Variants in MOCS1 observed in about 807,000 individuals in gnomAD.
MOCS1 encodes molybdenum cofactor synthesis 1, also known as molybdenum cofactor biosynthesis protein 1.
Under a neutral mutation model 57.6 loss-of-function variants are expected in MOCS1, and 39 were observed. The observed-to-expected ratio is 0.68, with a 90% CI of 0.52 to 0.88. The LOEUF (loss-of-function observed/expected upper bound fraction) is 0.88. Among genes scored for constraint, MOCS1 ranks in the 40% least tolerant of loss-of-function variants. MOCS1 has a pLI of 0.00. For missense variants in MOCS1, 795 were observed against 831.1 expected (o/e 0.96, Z 0.53); for synonymous variants, 334 against 335.7 (o/e 1.00, Z 0.05).
chr6:39,930,228 G>A (rs1055447877), intron 1 of MOCS1, among the ~76,000 whole-genome samples: 10 of 151,956 alleles, frequency 6.6e-5, no homozygotes, highest in South Asian at 2.1e-4. Context: ...TCTCCTGGAG[G>A]AAAAAAATAT....
At chr6:39,923,755 C>T (rs1768108103) in intron 3 of MOCS1, among the ~76,000 whole-genome samples, 2 of 152,378 alleles carry the variant, frequency 1.3e-5, no homozygotes, top group South Asian at 4.1e-4. Context: ...GGGAGCTGGC[C>T]ATGGGGCAGG....
intron 2 of MOCS1, among the ~76,000 whole-genome samples, chr6:39,926,248 T>C (rs369227911): frequency 6.6e-6 from 1 of 152,164 alleles, no homozygotes; most frequent in East Asian, 1.9e-4. Flanking sequence ...ACAGGTAGCT[T>C]TCTCTCTGTG....
Position 39,905,502 on chromosome 6 carries a change from C to G in MOCS1, c.*855G>C. 1 of 471,188 alleles carries G rather than the reference C, an allele frequency of 2.1e-6. No homozygotes were observed. The highest frequency in any genetic ancestry group is 1.5e-5 in the South Asian group (1 of 64,570). The allele number at this position is 471,188 out of a possible 1,614,324, so 29.2% of individuals were successfully genotyped here. A position where few individuals can be genotyped will look rare whatever the true frequency, so the allele number is the denominator to read the frequency against. On this transcript the variant is annotated 3_prime_UTR_variant, in exon 11 of 11. Coordinates refer to ENST00000340692, the MANE Select transcript of MOCS1 (RefSeq NM_001358530.2). The stretch of plus-strand genomic sequence containing the variant: ...GCAGCAGCTCAGTGCCCTACCCACA[C>G]AGTGTCTTCATTCTTGCATCTGCAA...
chr6:39,918,215 T>A (rs1286764240), intron 3 of MOCS1, among the ~76,000 whole-genome samples: 1 of 152,254 alleles, frequency 6.6e-6, no homozygotes, highest in Non-Finnish European at 1.5e-5. Flanking sequence ...CCAGACCAGT[T>A]GTTTCCAAGA....
Position 39,906,065 on chromosome 6 carries a change from A to G in MOCS1, c.*292T>C, listed in dbSNP as rs1766894281. Reference sequence around the variant, plus strand: ...TTGTCTGAAATAGTCCACAAAGAACATGATTTCTCAGTTATCTGGCATTGC... The same window carrying G: ...TTGTCTGAAATAGTCCACAAAGAACGTGATTTCTCAGTTATCTGGCATTGC... On this transcript the variant is annotated 3_prime_UTR_variant, in exon 11 of 11. Transcript: ENST00000340692. 1 of 619,140 alleles carries G rather than the reference A, an allele frequency of 1.6e-6. No homozygotes were observed. The highest frequency in any genetic ancestry group is 3.0e-6 in the Non-Finnish European group (1 of 333,948). 38.4% of individuals were successfully genotyped at this position (619,140 alleles called of 1,614,324 possible). A position where few individuals can be genotyped will look rare whatever the true frequency, so the allele number is the denominator to read the frequency against.
rs1356715938 is a variant in MOCS1 at position 39,905,574 on chromosome 6, C to T, written c.*783G>A. 2.1e-6 allele frequency: 1 copy of T among 471,136 alleles called. No individual in the cohort carries two copies. Among genetic ancestry groups the T allele is most frequent in the Non-Finnish European group, 4.4e-6 (1 of 227,060 alleles). The allele number at this position is 471,136 out of a possible 1,614,324, so 29.2% of individuals were successfully genotyped here. A position where few individuals can be genotyped will look rare whatever the true frequency, so the allele number is the denominator to read the frequency against. On this transcript the variant is annotated 3_prime_UTR_variant, in exon 11 of 11. Coordinates refer to ENST00000340692, the MANE Select transcript of MOCS1 (RefSeq NM_001358530.2). ...TGTGCGCTGTGAGGGTGAAGGCAAT[C>T]TATCATCAACTTTTCTTTCCCTGAT...
chr6:39,909,963 TGG>T lies in MOCS1; in HGVS notation c.982-10_982-9del, dbSNP rs773567638. 6.2e-7 allele frequency: 1 copy of T among 1,612,960 alleles called. No homozygotes were observed. The highest frequency in any genetic ancestry group is 1.1e-5 in the South Asian group (1 of 91,088). ...GTTTCCAAAGAGGCAGACCTACATG[TGG>T]GTGAGGACAATATGCCTTCCTTACC... is the stretch of plus-strand genomic sequence containing the variant. On this transcript the variant is annotated splice_polypyrimidine_tract_variant and intron_variant, in intron 8 of 10. Coordinates refer to ENST00000340692, the MANE Select transcript of MOCS1 (RefSeq NM_001358530.2).
chr6:39,913,181 G>A (rs1432972431), intron 6 of MOCS1, 136 bp downstream of exon 6: 16 of 914,012 alleles, frequency 1.8e-5, no homozygotes, highest in Admixed American at 7.4e-5. Flanking sequence ...AGCGGGCTCC[G>A]AGAAGCCACC....
chr6:39,913,967 C>T (rs543691125), intron 4 of MOCS1, 132 bp from the exon 5 acceptor site: 603 of 929,494 alleles, frequency 6.5e-4, no homozygotes, highest in Non-Finnish European at 9.4e-4. Flanking sequence ...AGAGTAATAT[C>T]GTAGGCTTTG....
At chr6:39,931,329 G>C (rs1005681978) in intron 1 of MOCS1, among the ~76,000 whole-genome samples, 36 of 152,198 alleles carry the variant, frequency 2.4e-4, no homozygotes, top group Non-Finnish European at 4.7e-4. Flanking sequence ...CCCTCAAATA[G>C]CTCCAAAGTC....
chr6:39,917,751 T>C (rs1188765119), intron 3 of MOCS1, among the ~76,000 whole-genome samples: 1 of 152,206 alleles, frequency 6.6e-6, no homozygotes, highest in Non-Finnish European at 1.5e-5. Context: ...AATATCCTTA[T>C]TGGGATAAAT....
At chr6:39,920,779 G>C (rs1767920425) in intron 3 of MOCS1, among the ~76,000 whole-genome samples, 1 of 151,982 alleles carries the variant, frequency 6.6e-6, no homozygotes, top group Non-Finnish European at 1.5e-5. Flanking sequence ...AGGAGTGCAA[G>C]ACCAGCCTGG....
chr6:39,918,051 A>G (rs1177475301), intron 3 of MOCS1, among the ~76,000 whole-genome samples: 1 of 152,260 alleles, frequency 6.6e-6, no homozygotes, highest in Non-Finnish European at 1.5e-5. Flanking sequence ...ATAGGATCAT[A>G]GGTGATTTTT....
intron 3 of MOCS1, among the ~76,000 whole-genome samples, chr6:39,920,837 G>T (rs111796804): frequency 3.9e-4 from 59 of 152,080 alleles, no homozygotes; most frequent in African/African-American, 1.4e-3. Flanking sequence ...AAATTAGCTG[G>T]GTGTGGTGGT....
intron 7 of MOCS1, 67 bp from the exon 8 acceptor site, chr6:39,912,441 T>C: frequency 8.9e-7 from 1 of 1,125,920 alleles, no homozygotes; most frequent in Non-Finnish European, 1.4e-6. Context: ...AGTTTCTCAC[T>C]CCATGACATC....
Position 39,905,436 on chromosome 6 carries a change from T to TTGA in MOCS1, c.*918_*920dup, listed in dbSNP as rs746432227. On this transcript the variant is annotated 3_prime_UTR_variant, in exon 11 of 11. Transcript: ENST00000340692. ...CAGGGAACTGTGTCTTGGGATAGGA[T>TTGA]TGATTGATTGATTGATAGGTGCAGC... is the stretch of plus-strand genomic sequence containing the variant. 4 of 445,942 alleles carry TTGA rather than the reference T, an allele frequency of 9.0e-6. No individual in the cohort carries two copies. Among genetic ancestry groups the TTGA allele is most frequent in the East Asian group, 7.7e-5 (1 of 13,016 alleles). 27.6% of individuals were successfully genotyped at this position (445,942 alleles called of 1,614,324 possible).
chr6:39,905,409 C>CCTCTTCT lies in MOCS1; in HGVS notation c.*947_*948insAGAAGAG, dbSNP rs1766816388. On this transcript the variant is annotated 3_prime_UTR_variant, in exon 11 of 11. Coordinates refer to ENST00000340692, the MANE Select transcript of MOCS1 (RefSeq NM_001358530.2). ...CTTTCCAGGTCCCTCCTCTTCTTCC[C>CCTCTTCT]TCAGGGAACTGTGTCTTGGGATAGG... 2.1e-6 allele frequency: 1 copy of CCTCTTCT among 469,314 alleles called. No individual in the cohort carries two copies. Among genetic ancestry groups the CCTCTTCT allele is most frequent in the African/African-American group, 2.0e-5 (1 of 49,996 alleles). The allele number at this position is 469,314 out of a possible 1,614,324, so 29.1% of individuals were successfully genotyped here.
At chr6:39,921,154 C>T (rs1767944424) in intron 3 of MOCS1, among the ~76,000 whole-genome samples, 1 of 152,148 alleles carries the variant, frequency 6.6e-6, no homozygotes. Flanking sequence ...AATCCTAGCA[C>T]TTTGGGAGGC....
chr6:39,916,286 G>A (rs1767659669), intron 3 of MOCS1, 54 bp from the exon 4 acceptor site: 83 of 1,605,600 alleles, frequency 5.2e-5, no homozygotes, highest in Middle Eastern at 3.3e-4. Flanking sequence ...TGGTGAGGCC[G>A]GGAAAAGGGC....
Sources: gnomAD v4.1 joint callset for allele counts (sites outside exome capture counted in the v4.1 genomes callset) on GRCh38, gnomAD v4.1.1 for gene constraint, MANE v1.5 for transcripts, NCBI Gene and HGNC (gene_info 2026-07-23, HGNC 2026-07-21) for gene names.